The following ARK2C variants were observed in gnomAD, a reference collection of about 807,000 sequenced individuals.
ARK2C encodes the protein arkadia (RNF111) C-terminal like ring finger ubiquitin ligase 2C.
the ARK2C span, among the ~76,000 whole-genome samples, chr18:46,363,246 C>A: frequency 3.5e-4 from 53 of 152,304 alleles, no homozygotes; most frequent in Non-Finnish European, 6.3e-4. Flanking sequence ...GGGCTTTGAA[C>A]GGGACCCTGA....
At chr18:46,416,508 A>T in the ARK2C span, among the ~76,000 whole-genome samples, 1 of 152,228 alleles carries the variant, frequency 6.6e-6, no homozygotes, top group Non-Finnish European at 1.5e-5. Context: ...TTGAGAGCAC[A>T]ACTCAAAATT....
chr18:46,337,047 C>T, the ARK2C span: 1 of 985,350 alleles, frequency 1.0e-6, no homozygotes, highest in Non-Finnish European at 1.2e-6. Context: ...GCCCTCAGAG[C>T]TGCCCCTTTA....
At chr18:46,382,521 C>G in the ARK2C span, among the ~76,000 whole-genome samples, 2 of 152,200 alleles carry the variant, frequency 1.3e-5, no homozygotes, top group East Asian at 1.9e-4. Context: ...TAGTGTCAGT[C>G]TCTTATTTTC....
the ARK2C span, among the ~76,000 whole-genome samples, chr18:46,418,770 G>A: frequency 6.6e-6 from 1 of 152,214 alleles, no homozygotes; most frequent in Non-Finnish European, 1.5e-5. Flanking sequence ...GCTATCAACT[G>A]GCTATATCCA....
At chr18:46,371,073 G>A in the ARK2C span, among the ~76,000 whole-genome samples, 53 of 152,284 alleles carry the variant, frequency 3.5e-4, no homozygotes, top group Middle Eastern at 3.4e-3. Context: ...GCAAAGGCAC[G>A]TCTTACATGG....
At chr18:46,454,861 G>C in the ARK2C span, among the ~76,000 whole-genome samples, 12 of 152,204 alleles carry the variant, frequency 7.9e-5, no homozygotes, top group African/African-American at 2.9e-4. Flanking sequence ...CTCACGACTA[G>C]ATTTCTTCTT....
At chr18:46,428,273 G>T in the ARK2C span, among the ~76,000 whole-genome samples, 1 of 152,206 alleles carries the variant, frequency 6.6e-6, no homozygotes, top group Non-Finnish European at 1.5e-5. Flanking sequence ...GCTGGGTGTG[G>T]TGGCAGGCGC....
the ARK2C span, among the ~76,000 whole-genome samples, chr18:46,424,694 G>A: frequency 1.3e-5 from 2 of 152,234 alleles, no homozygotes; most frequent in Non-Finnish European, 2.9e-5. Context: ...ATTTCAGCAG[G>A]TGTGTGGGAT....
At chr18:46,381,293 T>C in the ARK2C span, among the ~76,000 whole-genome samples, 11 of 152,342 alleles carry the variant, frequency 7.2e-5, 1 homozygote, top group Admixed American at 6.5e-4. Flanking sequence ...GGTTCTGCCA[T>C]GTGGGGCCAC....
At chr18:46,456,011 G>T in the ARK2C span, 1 of 1,613,546 alleles carries the variant, frequency 6.2e-7, no homozygotes, top group Non-Finnish European at 8.5e-7. Flanking sequence ...AAGGATGAGG[G>T]GGAGGAGTCA....
chr18:46,384,938 G>A, the ARK2C span, among the ~76,000 whole-genome samples: 1 of 152,158 alleles, frequency 6.6e-6, no homozygotes. Flanking sequence ...CCAGAGCCAG[G>A]GCACACACAC....
chr18:46,401,299 G>A, the ARK2C span, among the ~76,000 whole-genome samples: 1 of 152,154 alleles, frequency 6.6e-6, no homozygotes. Flanking sequence ...CCAGCTGATG[G>A]CAGAGGGGAT....
the ARK2C span, chr18:46,433,543 G>A: frequency 6.5e-7 from 1 of 1,546,964 alleles, no homozygotes; most frequent in Admixed American, 1.8e-5. Flanking sequence ...GACCCGGATG[G>A]GGTCGGGTGA....
At chr18:46,361,472 A>T in the ARK2C span, among the ~76,000 whole-genome samples, 1 of 152,224 alleles carries the variant, frequency 6.6e-6, no homozygotes, top group Non-Finnish European at 1.5e-5. Flanking sequence ...TGTCCAAAAA[A>T]AGGCAGACAG....
chr18:46,401,770 A>G, the ARK2C span, among the ~76,000 whole-genome samples: 1 of 152,282 alleles, frequency 6.6e-6, no homozygotes, highest in East Asian at 1.9e-4. Context: ...TTTAAAGTTG[A>G]GGAGGCCTTG....
At chr18:46,435,500 G>A in the ARK2C span, 1 of 901,078 alleles carries the variant, frequency 1.1e-6, no homozygotes, top group Non-Finnish European at 1.7e-6. Flanking sequence ...GAATGGCGCA[G>A]GAGGCCTAGT....
At chr18:46,422,044 C>A in the ARK2C span, among the ~76,000 whole-genome samples, 2 of 152,076 alleles carry the variant, frequency 1.3e-5, no homozygotes, top group Non-Finnish European at 1.5e-5. Flanking sequence ...AAGCAATAGG[C>A]CTCTTGGGGT....
the ARK2C span, among the ~76,000 whole-genome samples, chr18:46,392,069 A>T: frequency 6.6e-6 from 1 of 151,690 alleles, no homozygotes; most frequent in Non-Finnish European, 1.5e-5. Flanking sequence ...CACACACAAT[A>T]TATACAACAC....
chr18:46,380,302 C>T, the ARK2C span, among the ~76,000 whole-genome samples: 4 of 152,160 alleles, frequency 2.6e-5, no homozygotes, highest in South Asian at 2.1e-4. Context: ...GAAGATGGTG[C>T]CCACGGGGGC....
Sources: gnomAD v4.1 joint callset for allele counts (sites outside exome capture counted in the v4.1 genomes callset) on GRCh38, gnomAD v4.1.1 for gene constraint, MANE v1.5 for transcripts, NCBI Gene and HGNC (gene_info 2026-07-23, HGNC 2026-07-21) for gene names.